TLE4: variants seen among roughly 807,000 people sequenced by gnomAD.
TLE4 encodes the protein TLE family member 4, transcriptional corepressor.
In TLE4, 8 loss-of-function variants were observed where a neutral mutation model predicts 92.8. That is an observed-to-expected ratio of 0.09 (90% CI 0.05 to 0.16). The LOEUF is 0.16. TLE4 is among the 10% of genes least tolerant of loss of function. The pLI is 1.00. For missense variants in TLE4, 675 were observed against 997.6 expected, an observed-to-expected ratio of 0.68 and a Z score of 4.36; for synonymous variants, 371 against 374.1, an observed-to-expected ratio of 0.99 and a Z score of 0.10.
At chr9:79,653,941 A>G (rs1210295704) in intron 7 of TLE4, 118 bp from the exon 8 acceptor site, 2 of 1,168,480 alleles carry the variant, frequency 1.7e-6, no homozygotes, top group African/African-American at 1.5e-5. Flanking sequence ...TGTGTAATTT[A>G]TTATTTAGCA....
rs570782451 is a variant in TLE4 at position 79,590,165 on chromosome 9, C to T, written c.252+13988C>T. Among the ~76,000 whole-genome samples, 41 of 152,194 alleles carry T rather than the reference C, an allele frequency of 2.7e-4. No individual in the cohort carries two copies. In the South Asian group the frequency reaches 7.9e-3, roughly 29 times the overall value. On this transcript the variant is annotated intron_variant, in intron 4 of 19. Coordinates refer to ENST00000376552, the MANE Select transcript of TLE4 (RefSeq NM_007005.6). Reference sequence around the variant, plus strand: ...TTTACCTCTGGCTAGCTTGGTTAACCCCCCCAAAATATAGTCAACCTAAAG... The same window carrying T: ...TTTACCTCTGGCTAGCTTGGTTAACTCCCCCAAAATATAGTCAACCTAAAG...
At position 79,635,057 on chromosome 9, in the gene TLE4, A is replaced by G. The variant is rs1199124672; in HGVS notation, c.390+7609A>G. Among the ~76,000 whole-genome samples the G allele has an allele frequency of 2.0e-5, 3 of 152,310 alleles. No homozygotes were observed. In the East Asian group the frequency reaches 5.8e-4, roughly 29 times the overall value. ...AAGTAATTGACATACTGTTTCTCAG[A>G]GTGATTCTACTATTTTGCAGTTTCA... On this transcript the variant is annotated intron_variant, in intron 6 of 19. Transcript: ENST00000376552.
At chr9:79,678,824 A>G (rs2063817528) in intron 8 of TLE4, among the ~76,000 whole-genome samples, 1 of 130,034 alleles carries the variant, frequency 7.7e-6, no homozygotes, top group Non-Finnish European at 1.6e-5. Flanking sequence ...TCCTGTGTCC[A>G]TGTGTTCTCG....
intron 8 of TLE4, among the ~76,000 whole-genome samples, chr9:79,683,378 T>C (rs2065141379): frequency 6.6e-6 from 1 of 152,210 alleles, no homozygotes; most frequent in African/African-American, 2.4e-5. Flanking sequence ...TAGGTAGAAT[T>C]AAATTGAGCG....
chr9:79,641,564 G>A (rs140946633), intron 6 of TLE4, among the ~76,000 whole-genome samples: 4 of 152,252 alleles, frequency 2.6e-5, no homozygotes, highest in Admixed American at 6.5e-5. Context: ...CACAGCAAGC[G>A]TCTCTCTTGT....
chr9:79,653,960 G>A, intron 7 of TLE4, 99 bp from the exon 8 acceptor site: 4 of 1,350,834 alleles, frequency 3.0e-6, no homozygotes, highest in Admixed American at 1.7e-5. Context: ...CAGAGATCAA[G>A]TTTGATAAAT....
intron 4 of TLE4, among the ~76,000 whole-genome samples, chr9:79,606,184 G>GT (rs1288414778): frequency 2.7e-4 from 5 of 18,370 alleles, no homozygotes; most frequent in South Asian, 2.4e-3. Context: ...AGCAGTAGTA[G>GT]TTGTTTTTTT....
chr9:79,619,919 G>A (rs535910701), intron 5 of TLE4, among the ~76,000 whole-genome samples: 4 of 152,278 alleles, frequency 2.6e-5, no homozygotes, highest in South Asian at 4.1e-4. Flanking sequence ...CCCATATTCC[G>A]TGGTTGACTG....
chr9:79,600,356 G>T (rs2045300905), intron 4 of TLE4, among the ~76,000 whole-genome samples: 1 of 151,936 alleles, frequency 6.6e-6, no homozygotes, highest in South Asian at 2.1e-4. Context: ...GTTTGTGGTT[G>T]GGGACTTGTT....
intron 8 of TLE4, among the ~76,000 whole-genome samples, chr9:79,657,136 C>T (rs1430914137): frequency 6.6e-6 from 1 of 152,124 alleles, no homozygotes; most frequent in Non-Finnish European, 1.5e-5. Context: ...TGTTGTAGGG[C>T]TGTTGAAGTC....
chr9:79,574,968 C>T, intron 3 of TLE4, 32 bp downstream of exon 3: 2 of 1,595,286 alleles, frequency 1.3e-6, no homozygotes, highest in Non-Finnish European at 1.7e-6. Context: ...TTCAAAGTGC[C>T]TATTAGTTTG....
intron 8 of TLE4, among the ~76,000 whole-genome samples, chr9:79,680,136 T>C (rs1408911359): frequency 5.3e-5 from 8 of 152,286 alleles, no homozygotes; most frequent in African/African-American, 1.7e-4. Context: ...TAAAGTAGTT[T>C]TTTCCAATTC....
intron 1 of TLE4, chr9:79,573,418 T>C (rs960650083): frequency 1.7e-6 from 2 of 1,195,750 alleles, no homozygotes; most frequent in Middle Eastern, 2.4e-4. Context: ...TGCCTGTCTT[T>C]GGCCGGGGAG....
intron 6 of TLE4, among the ~76,000 whole-genome samples, chr9:79,632,059 A>G (rs183211105): frequency 1.6e-3 from 238 of 152,252 alleles, no homozygotes; most frequent in Non-Finnish European, 2.9e-3. Flanking sequence ...TGCCACTACA[A>G]CATGTGTCCC....
chr9:79,580,790 G>A (rs891380040), intron 4 of TLE4, among the ~76,000 whole-genome samples: 1 of 151,800 alleles, frequency 6.6e-6, no homozygotes, highest in African/African-American at 2.4e-5. Context: ...AAGATGGGGT[G>A]TTCTAGCTGA....
chr9:79,574,599 G>GT (rs1228298848), intron 2 of TLE4, among the ~76,000 whole-genome samples: 9 of 151,986 alleles, frequency 5.9e-5, no homozygotes, highest in Non-Finnish European at 1.3e-4. Context: ...TCTGGAGGAA[G>GT]TTCCTGAATT....
chr9:79,663,754 GC>G (rs1435302784), intron 8 of TLE4, among the ~76,000 whole-genome samples: 1 of 152,054 alleles, frequency 6.6e-6, no homozygotes, highest in Admixed American at 6.6e-5. Flanking sequence ...CCTAAGAGAT[GC>G]AATTTAATGT....
intron 5 of TLE4, among the ~76,000 whole-genome samples, chr9:79,615,834 T>TTAA (rs1220884701): frequency 6.6e-6 from 1 of 152,194 alleles, no homozygotes; most frequent in East Asian, 1.9e-4. Context: ...AATATATACT[T>TTAA]TAATAATGTG....
At chr9:79,686,923 C>G (rs2065980960) in intron 8 of TLE4, among the ~76,000 whole-genome samples, 1 of 152,186 alleles carries the variant, frequency 6.6e-6, no homozygotes, top group Non-Finnish European at 1.5e-5. Context: ...CAGTGAGCAT[C>G]TACGTTTAAT....
Sources: allele counts gnomAD v4.1 joint callset (sites outside exome capture counted in the v4.1 genomes callset), GRCh38; gene constraint gnomAD v4.1.1; transcripts MANE v1.5; gene names NCBI Gene and HGNC (gene_info 2026-07-23, HGNC 2026-07-21).